Variants in RBFOX1 observed in about 807,000 individuals in gnomAD.
The protein encoded by RBFOX1 is RNA binding fox-1 homolog 1.
Under a neutral mutation model 57.7 loss-of-function variants are expected in RBFOX1, and 8 were observed. That is an observed-to-expected ratio of 0.14 (90% CI 0.08 to 0.25). The LOEUF is 0.25. Among genes scored for constraint, RBFOX1 ranks in the 10% least tolerant of loss-of-function variants. The pLI is 1.00. For missense variants in RBFOX1, 611 were observed against 548.5 expected, an observed-to-expected ratio of 1.11 and a Z score of -1.14; for synonymous variants, 326 against 222.4, an observed-to-expected ratio of 1.47 and a Z score of -4.15.
intron 4 of RBFOX1, among the ~76,000 whole-genome samples, chr16:5,883,561 A>G (rs1325218680): frequency 2.0e-5 from 3 of 152,060 alleles, no homozygotes; most frequent in Non-Finnish European, 4.4e-5. Flanking sequence ...AATTGTTTTG[A>G]GTGAGGAATT....
chr16:5,756,814 G>A (rs964667999), intron 3 of RBFOX1, among the ~76,000 whole-genome samples: 1 of 152,230 alleles, frequency 6.6e-6, no homozygotes, highest in Admixed American at 6.5e-5. Context: ...TGGGAAAGGT[G>A]GACTTCTCAA....
rs2085694632 is a variant in RBFOX1, at chr16:6,802,424, TC to T, written c.-16+147776del. On this transcript the variant is annotated intron_variant, in intron 3 of 15. Coordinates refer to ENST00000550418, the MANE Select transcript of RBFOX1 (RefSeq NM_018723.4). ...TGGCGCAGTGGCTCATGCCTATAATTCCAGCACTTTGGGAGGCCGAGGTGGG... is the reference window on the plus strand; with the variant it reads ...TGGCGCAGTGGCTCATGCCTATAATTCAGCACTTTGGGAGGCCGAGGTGGG... Among the ~76,000 whole-genome samples the T allele has an allele frequency of 1.3e-5, 2 of 152,086 alleles. 1 individual carries two copies. The highest frequency in any genetic ancestry group is 4.1e-4 in the South Asian group (2 of 4,824).
chr16:5,704,479 G>A (rs1226177429), intron 3 of RBFOX1, among the ~76,000 whole-genome samples: 1 of 152,080 alleles, frequency 6.6e-6, no homozygotes, highest in Admixed American at 6.6e-5. Flanking sequence ...AGCAGTGCTG[G>A]GAGCCAACCA....
chr16:7,706,757 C>G (rs1027397195), intron 14 of RBFOX1, among the ~76,000 whole-genome samples: 1 of 152,148 alleles, frequency 6.6e-6, no homozygotes. Context: ...AGATTTTTCT[C>G]TGGACCAATC....
chr16:6,482,948 G>C (rs1416469659), intron 2 of RBFOX1, among the ~76,000 whole-genome samples: 1 of 152,204 alleles, frequency 6.6e-6, no homozygotes, highest in African/African-American at 2.4e-5. Flanking sequence ...GCGGACTCAG[G>C]GAACCGTGCA....
At chr16:6,350,389 C>T (rs1206431426) in intron 2 of RBFOX1, among the ~76,000 whole-genome samples, 16 of 130,972 alleles carry the variant, frequency 1.2e-4, no homozygotes, top group African/African-American at 4.4e-4. Context: ...TGCTGTGAGC[C>T]GAGATCGCAC....
At chr16:6,127,455 G>C (rs1381309797) in intron 1 of RBFOX1, among the ~76,000 whole-genome samples, 1 of 152,146 alleles carries the variant, frequency 6.6e-6, no homozygotes, top group Non-Finnish European at 1.5e-5. Flanking sequence ...AGGCAAGGCA[G>C]GGATTTGAAA....
At chr16:6,426,109 T>G (rs572230074) in intron 2 of RBFOX1, among the ~76,000 whole-genome samples, 2 of 149,458 alleles carry the variant, frequency 1.3e-5, no homozygotes, top group African/African-American at 2.5e-5. Flanking sequence ...TCTCTCTCCC[T>G]CTCATTGTCT....
chr16:6,724,292 C>G (rs1248098909), intron 3 of RBFOX1, among the ~76,000 whole-genome samples: 1 of 151,262 alleles, frequency 6.6e-6, no homozygotes, highest in Non-Finnish European at 1.5e-5. Context: ...TGACTGTAAC[C>G]TCTGCCTCCT....
At chr16:7,329,026 C>T (rs2096649560) in intron 4 of RBFOX1, among the ~76,000 whole-genome samples, 1 of 152,046 alleles carries the variant, frequency 6.6e-6, no homozygotes, top group Non-Finnish European at 1.5e-5. Flanking sequence ...TTAGTAAATA[C>T]AGTATTACAG....
intron 4 of RBFOX1, among the ~76,000 whole-genome samples, chr16:7,222,141 G>T (rs529994526): frequency 3.9e-5 from 6 of 152,194 alleles, no homozygotes; most frequent in African/African-American, 9.6e-5. Flanking sequence ...AAAAAGATTC[G>T]TTGTTTCAAA....
chr16:6,976,604 C>A (rs554587679), intron 3 of RBFOX1, among the ~76,000 whole-genome samples: 23 of 151,300 alleles, frequency 1.5e-4, no homozygotes, highest in African/African-American at 5.1e-4. Flanking sequence ...CAGAGTAGGG[C>A]GTTCCCGAAA....
At chr16:6,414,447 A>G (rs8046522) in intron 2 of RBFOX1, among the ~76,000 whole-genome samples, 21,721 of 152,228 alleles carry the variant, frequency 0.14, 2,472 homozygotes, top group African/African-American at 0.31. Flanking sequence ...ATGGCCAGTA[A>G]TTCTGATCCT....
intron 3 of RBFOX1, among the ~76,000 whole-genome samples, chr16:6,763,631 C>T (rs186685896): frequency 7.7e-4 from 117 of 152,264 alleles, no homozygotes; most frequent in East Asian, 2.7e-3. Context: ...TCACCAATTA[C>T]GTATTTCATT....
intron 4 of RBFOX1, among the ~76,000 whole-genome samples, chr16:7,125,382 T>C (rs2068244146): frequency 6.6e-6 from 1 of 152,206 alleles, no homozygotes; most frequent in South Asian, 2.1e-4. Context: ...AATCAATAGA[T>C]GGTTGATACC....
intron 9 of RBFOX1, among the ~76,000 whole-genome samples, chr16:7,599,416 G>A (rs1334835200): frequency 6.6e-6 from 1 of 151,896 alleles, no homozygotes; most frequent in Non-Finnish European, 1.5e-5. Flanking sequence ...AAGAGTTATT[G>A]ATCAATTTTA....
At chr16:5,879,307 C>G (rs1315016427) in intron 4 of RBFOX1, among the ~76,000 whole-genome samples, 1 of 152,182 alleles carries the variant, frequency 6.6e-6, no homozygotes, top group African/African-American at 2.4e-5. Flanking sequence ...GGAGAAACTC[C>G]TCAGATCGTA....
At chr16:5,598,180 C>T (rs1843649) in intron 2 of RBFOX1, among the ~76,000 whole-genome samples, 24,159 of 151,474 alleles carry the variant, frequency 0.16, 2,315 homozygotes, top group East Asian at 0.46. Context: ...TGCCTATAGT[C>T]CCAGCAACTT....
intron 2 of RBFOX1, among the ~76,000 whole-genome samples, chr16:6,652,870 G>A (rs181337254): frequency 2.0e-5 from 3 of 152,290 alleles, no homozygotes. Context: ...TAATGCCCCA[G>A]AACTGTGCAC....
Sources: allele counts gnomAD v4.1 joint callset (sites outside exome capture counted in the v4.1 genomes callset), GRCh38; gene constraint gnomAD v4.1.1; transcripts MANE v1.5; gene names NCBI Gene and HGNC (gene_info 2026-07-23, HGNC 2026-07-21).